Variants in AASDH observed in about 807,000 individuals in gnomAD.
The protein encoded by AASDH is aminoadipate-semialdehyde dehydrogenase.
Under a neutral mutation model 102.3 loss-of-function variants are expected in AASDH, and 81 were observed. The ratio of observed to expected loss-of-function variants is 0.79; its 90% CI spans 0.66 to 0.95. The LOEUF is 0.95. Ranked by LOEUF, AASDH falls within the 40% of genes least tolerant of loss-of-function variation. The pLI, the probability that AASDH is intolerant of heterozygous loss-of-function variation, is 0.00. For synonymous variants in AASDH, 398 were observed against 454.0 expected, an observed-to-expected ratio of 0.88 and a Z score of 1.57; for missense variants, 1,203 against 1,266.2, an observed-to-expected ratio of 0.95 and a Z score of 0.76.
rs777266749 is a variant in AASDH, at chr4:56,371,597, G to A, written c.715C>T (p.Pro239Ser). 13 of 1,611,296 alleles carry A rather than the reference G, an allele frequency of 8.1e-6. No individual in the cohort carries two copies. The highest frequency in any genetic ancestry group is 1.7e-5 in the Admixed American group (1 of 59,110). ...ACAACAGAAGGATCGAAGGTCAGAG[G>A]TGAAGCCAGAAACAAAACATCTTCT... ...TQEDVLFLASPLTFDPSVVEI... is the reference protein window; with the variant it reads ...TQEDVLFLASSLTFDPSVVEI... Residue 239 changes from proline (P) to serine (S), a missense_variant, in exon 5 of 15, where the codon CCT (proline) becomes TCT (serine). By Grantham distance (74) the Pro-to-Ser change is moderately conservative (BLOSUM62 -1). Coordinates refer to ENST00000205214, the MANE Select transcript of AASDH (RefSeq NM_181806.4).
intron 5 of AASDH, among the ~76,000 whole-genome samples, chr4:56,358,437 G>C (rs1444192147): frequency 1.3e-5 from 2 of 149,382 alleles, no homozygotes; most frequent in Admixed American, 1.4e-4. Context: ...TAGGGTCAAA[G>C]CATTCAGTCT....
intron 14 of AASDH, among the ~76,000 whole-genome samples, chr4:56,342,404 A>G (rs1038474637): frequency 6.6e-6 from 1 of 152,164 alleles, no homozygotes; most frequent in Non-Finnish European, 1.5e-5. Context: ...TATCACATAC[A>G]TACCCCATAA....
chr4:56,375,610 C>T (rs760021346), intron 4 of AASDH, among the ~76,000 whole-genome samples: 2 of 152,126 alleles, frequency 1.3e-5, no homozygotes, highest in Admixed American at 6.6e-5. Context: ...TCCCATTTCA[C>T]GGACCATTCT....
At chr4:56,381,039 C>T (rs548141291) in intron 3 of AASDH, among the ~76,000 whole-genome samples, 99 of 152,282 alleles carry the variant, frequency 6.5e-4, no homozygotes, top group African/African-American at 2.3e-3. Flanking sequence ...GGTTTTGCTG[C>T]GCCCAACTCC....
chr4:56,354,228 C>T lies in AASDH; in HGVS notation c.1211-17G>A, dbSNP rs80173854. ...TTCTGCCACCTTCCCAAGATATAAA[C>T]ACCAATGTCATAAAAATCCAAGGGA... On this transcript the variant is annotated splice_polypyrimidine_tract_variant and intron_variant, in intron 7 of 14. Transcript: ENST00000205214. 2.7e-6 allele frequency: 4 copies of T among 1,506,342 alleles called. No individual in the cohort carries two copies. The highest frequency in any genetic ancestry group is 3.6e-6 in the Non-Finnish European group (4 of 1,125,224). 93.3% of individuals were successfully genotyped at this position (1,506,342 alleles called of 1,614,324 possible). A position where few individuals can be genotyped will look rare whatever the true frequency, so the allele number is the denominator to read the frequency against.
intron 5 of AASDH, among the ~76,000 whole-genome samples, chr4:56,366,447 T>G (rs1488966390): frequency 1.3e-5 from 2 of 152,154 alleles, no homozygotes; most frequent in Non-Finnish European, 2.9e-5. Flanking sequence ...ATATCCTTGA[T>G]GAACATTGAT....
chr4:56,380,469 G>A lies in AASDH; in HGVS notation c.352-2005C>T, dbSNP rs573227983. Among the ~76,000 whole-genome samples the A allele has an allele frequency of 8.1e-4, 123 of 152,260 alleles. 1 individual carries two copies. The highest frequency in any genetic ancestry group is 4.0e-4 in the Non-Finnish European group (27 of 68,028). ...TGTGTTTAATGTGTGTATGTATTGG[G>A]TAGGGGATGTGGTGTGGCCTGTAAT... On this transcript the variant is annotated intron_variant, in intron 3 of 14. Transcript: ENST00000205214.
chr4:56,372,286 C>T (rs939662892), intron 4 of AASDH, among the ~76,000 whole-genome samples: 2 of 152,178 alleles, frequency 1.3e-5, no homozygotes, highest in Admixed American at 1.3e-4. Context: ...TAACTGATCC[C>T]TATGGACTTT....
rs1752305623 is a variant in AASDH, at chr4:56,376,038, T to TTTTG, written c.668+2109_668+2110insCAAA. Among the ~76,000 whole-genome samples, 4 of 150,386 alleles carry TTTTG rather than the reference T, an allele frequency of 2.7e-5. No individual in the cohort carries two copies. In the South Asian group the frequency reaches 8.5e-4, roughly 32 times the overall value. ...GCTCATCTTTTTTTTTTTTTTTTTTTTTTAAGATTGAGTCTCGCTCTGTCA... is the reference window on the plus strand; with the variant it reads ...GCTCATCTTTTTTTTTTTTTTTTTTTTTTGTTTAAGATTGAGTCTCGCTCTGTCA... On this transcript the variant is annotated intron_variant, in intron 4 of 14. Coordinates refer to ENST00000205214, the MANE Select transcript of AASDH (RefSeq NM_181806.4).
chr4:56,341,424 C>T (rs1280308659), intron 14 of AASDH, among the ~76,000 whole-genome samples: 8 of 102,944 alleles, frequency 7.8e-5, no homozygotes, highest in Middle Eastern at 7.4e-3. Context: ...GACAGAGTCT[C>T]GCTCTGTCAC....
At chr4:56,359,456 G>A (rs1301380872) in intron 5 of AASDH, among the ~76,000 whole-genome samples, 1 of 151,684 alleles carries the variant, frequency 6.6e-6, no homozygotes, top group South Asian at 2.1e-4. Context: ...TAGAGACGAG[G>A]TGTGGCCAGG....
chr4:56,379,025 A>G (rs920723093), intron 3 of AASDH, among the ~76,000 whole-genome samples: 3 of 152,016 alleles, frequency 2.0e-5, no homozygotes, highest in Non-Finnish European at 1.5e-5. Context: ...CTGGGACTAC[A>G]GGCACCTGCC....
chr4:56,343,581 A>T lies in AASDH; in HGVS notation c.2756T>A (p.Leu919His). 6.2e-7 allele frequency: 1 copy of T among 1,609,098 alleles called. No individual in the cohort carries two copies. Among genetic ancestry groups the T allele is most frequent in the Non-Finnish European group, 8.5e-7 (1 of 1,177,234 alleles). Residue 919 changes from leucine to histidine, a missense_variant, in exon 13 of 15, where the codon CTT becomes CAT. By Grantham distance (99) the Leu-to-His change is moderately conservative. Transcript: ENST00000205214. The stretch of plus-strand genomic sequence containing the variant: ...GCCTACAGGATTTACAGCCAGTAAA[A>T]GTCCTCCCAATGTAGCAAAATACAA... ...HHLYFATLGG[L>H]LLAVNPATGN...
In AASDH at chr4:56,364,129, C is replaced by T. The variant is rs571844189; in HGVS notation, c.861+7322G>A. ...AAGAAAGGGTATCAGTGATGGAAGA[C>T]GAAATGAATGAAATGAAGTGAGAAG... On this transcript the variant is annotated intron_variant, in intron 5 of 14. Transcript: ENST00000205214. Among the ~76,000 whole-genome samples, 186 of 151,820 alleles carry T rather than the reference C, an allele frequency of 1.2e-3. 1 individual carries two copies. The highest frequency in any genetic ancestry group is 4.2e-3 in the African/African-American group (173 of 41,372).
rs188132627 is a variant in AASDH, at chr4:56,350,775, G to A, written c.1692+567C>T. 3.7e-4 allele frequency among the ~76,000 whole-genome samples: 57 copies of A among 152,198 alleles called. 1 individual carries two copies. The East Asian group carries it at 0.011, about 29-fold the overall frequency. ...CCAAGAATCTAAAAATGAAGTAGAA[G>A]AGACTTTTATCTTAGATACCCTCTA... On this transcript the variant is annotated intron_variant, in intron 10 of 14. Coordinates refer to ENST00000205214, the MANE Select transcript of AASDH (RefSeq NM_181806.4).
At position 56,347,137 on chromosome 4, in the gene AASDH, A is replaced by G. The variant is rs189266625; in HGVS notation, c.2489-1847T>C. 4.7e-4 allele frequency among the ~76,000 whole-genome samples: 72 copies of G among 152,272 alleles called. 1 individual carries two copies. Among genetic ancestry groups the G allele is most frequent in the Admixed American group, 4.1e-3 (62 of 15,290 alleles). On this transcript the variant is annotated intron_variant, in intron 11 of 14. Coordinates refer to ENST00000205214, the MANE Select transcript of AASDH (RefSeq NM_181806.4). The stretch of plus-strand genomic sequence containing the variant: ...CACTCATGATTATTTCAACGGCTAT[A>G]ACAAAAAAAAAGTTAAAGCTGACAA...
At chr4:56,358,949 T>G (rs550918659) in intron 5 of AASDH, among the ~76,000 whole-genome samples, 41 of 152,360 alleles carry the variant, frequency 2.7e-4, no homozygotes, top group African/African-American at 9.9e-4. Flanking sequence ...GTTTTCAATT[T>G]TGTCCATTTT....
intron 8 of AASDH, among the ~76,000 whole-genome samples, chr4:56,353,806 G>T (rs1042667454): frequency 1.3e-5 from 2 of 152,112 alleles, no homozygotes; most frequent in Admixed American, 1.3e-4. Flanking sequence ...AGCAAAATAA[G>T]CCAGTTAAAT....
Position 56,377,757 on chromosome 4 carries a change from A to G in AASDH, c.668+391T>C, listed in dbSNP as rs543513929. Among the ~76,000 whole-genome samples, 149 of 152,328 alleles carry G rather than the reference A, an allele frequency of 9.8e-4. 2 individuals are homozygous for G. Among genetic ancestry groups the G allele is most frequent in the Non-Finnish European group, 1.9e-3 (130 of 68,016 alleles). On this transcript the variant is annotated intron_variant, in intron 4 of 14. Transcript: ENST00000205214. Reference sequence around the variant, plus strand: ...CTATTAATTTAGGAACAAGAGTTATAAAACCAAACGTTTTAAAATTATTTT... The same window carrying G: ...CTATTAATTTAGGAACAAGAGTTATGAAACCAAACGTTTTAAAATTATTTT...
Sources: gnomAD v4.1 joint callset for allele counts (sites outside exome capture counted in the v4.1 genomes callset) on GRCh38, gnomAD v4.1.1 for gene constraint, MANE v1.5 for transcripts, NCBI Gene and HGNC (gene_info 2026-07-23, HGNC 2026-07-21) for gene names.